Variants in ZMYM2 observed in about 807,000 individuals in gnomAD.
The protein encoded by ZMYM2 is zinc finger MYM-type protein 2.
Under a neutral mutation model 162.8 loss-of-function variants are expected in ZMYM2, and 56 were observed. That is an observed-to-expected ratio of 0.34 (90% CI 0.28 to 0.43). The LOEUF (loss-of-function observed/expected upper bound fraction) is 0.43. ZMYM2 is among the 20% of genes least tolerant of loss of function. The pLI, the probability that ZMYM2 is intolerant of heterozygous loss-of-function variation, is 1.00. For missense variants in ZMYM2, 1,275 were observed against 1,621.8 expected, an observed-to-expected ratio of 0.79 and a Z score of 3.67; for synonymous variants, 510 against 541.6, an observed-to-expected ratio of 0.94 and a Z score of 0.81.
intron 2 of ZMYM2, chr13:19,965,168 G>A (rs985120125): frequency 1.2e-5 from 13 of 1,075,790 alleles, no homozygotes; most frequent in Admixed American, 9.6e-5. Context: ...ACAGAATAAT[G>A]TTTGTAAAAT....
At chr13:19,900,508 T>TCGAAG in the ZMYM2 span, among the ~76,000 whole-genome samples, 1 of 152,152 alleles carries the variant, frequency 6.6e-6, no homozygotes, top group East Asian at 1.9e-4. Context: ...CCAAACATTA[T>TCGAAG]ATTTATCGAA....
At chr13:20,039,500 GTC>G (rs1186571409) in intron 12 of ZMYM2, among the ~76,000 whole-genome samples, 1 of 132,668 alleles carries the variant, frequency 7.5e-6, no homozygotes, top group Non-Finnish European at 1.6e-5. Flanking sequence ...TTGACATGGT[GTC>G]TCTCTCTGTT....
the ZMYM2 span, among the ~76,000 whole-genome samples, chr13:19,880,030 T>C: frequency 6.6e-6 from 1 of 152,172 alleles, no homozygotes; most frequent in African/African-American, 2.4e-5. Context: ...AAATTGGAGC[T>C]CTTGGTCTTG....
chr13:20,019,471 A>T, intron 6 of ZMYM2, 76 bp from the exon 7 acceptor site: 1 of 1,284,220 alleles, frequency 7.8e-7, no homozygotes, highest in South Asian at 1.6e-5. Context: ...CAACTTTTAC[A>T]TAATGCTTAT....
intron 2 of ZMYM2, among the ~76,000 whole-genome samples, chr13:19,976,390 C>CT (rs565939225): frequency 1.9e-4 from 29 of 150,414 alleles, no homozygotes; most frequent in Admixed American, 3.3e-4. Context: ...TGAAATGGTA[C>CT]TTTTTTTTTC....
intron 2 of ZMYM2, among the ~76,000 whole-genome samples, chr13:19,973,531 C>T (rs545108516): frequency 6.6e-6 from 1 of 151,802 alleles, no homozygotes; most frequent in East Asian, 2.0e-4. Context: ...ATTAGCAGGG[C>T]GTGGTGGTGT....
intron 3 of ZMYM2, among the ~76,000 whole-genome samples, chr13:19,996,185 A>G (rs920576636): frequency 6.6e-6 from 1 of 152,294 alleles, no homozygotes; most frequent in East Asian, 1.9e-4. Flanking sequence ...GAAGTAACTA[A>G]AATCTAGGCA....
chr13:20,018,618 G>A (rs986800869), intron 6 of ZMYM2, among the ~76,000 whole-genome samples: 1 of 152,190 alleles, frequency 6.6e-6, no homozygotes, highest in African/African-American at 2.4e-5. Context: ...TCCTGGCAGT[G>A]GAGACTGTAT....
intron 6 of ZMYM2, among the ~76,000 whole-genome samples, chr13:20,014,159 C>T (rs9509004): frequency 0.69 from 104,756 of 151,896 alleles, 41,208 homozygotes; most frequent in Non-Finnish European, 0.86. Context: ...CTGCAACCCC[C>T]GCCTCCCGGG....
intron 14 of ZMYM2, among the ~76,000 whole-genome samples, chr13:20,057,494 A>G (rs1955888291): frequency 6.6e-6 from 1 of 152,086 alleles, no homozygotes; most frequent in South Asian, 2.1e-4. Context: ...TTTTATATGC[A>G]TAAGGGTACA....
the ZMYM2 span, among the ~76,000 whole-genome samples, chr13:19,936,214 T>A: frequency 4.2e-4 from 64 of 152,298 alleles, no homozygotes; most frequent in Non-Finnish European, 6.0e-4. Context: ...CATTTCAGAC[T>A]TTTCCAGAAT....
intron 12 of ZMYM2, among the ~76,000 whole-genome samples, chr13:20,040,968 T>A (rs941308243): frequency 1.3e-5 from 2 of 152,174 alleles, no homozygotes; most frequent in Non-Finnish European, 2.9e-5. Flanking sequence ...TCCAAGAGAC[T>A]TTTGGTTATG....
chr13:20,006,770 C>T (rs542183340), intron 6 of ZMYM2, among the ~76,000 whole-genome samples, 184 bp downstream of exon 6: 30 of 152,226 alleles, frequency 2.0e-4, no homozygotes, highest in African/African-American at 7.0e-4. Flanking sequence ...GCTGAACCAT[C>T]GTAAGTCAGG....
the ZMYM2 span, among the ~76,000 whole-genome samples, chr13:19,951,110 G>C: frequency 1.4e-4 from 22 of 152,154 alleles, no homozygotes; most frequent in Non-Finnish European, 2.9e-4. Context: ...GTGTGGGCCA[G>C]GGAAGCCAAA....
intron 6 of ZMYM2, among the ~76,000 whole-genome samples, chr13:20,012,811 G>A (rs1805283520): frequency 6.6e-6 from 1 of 152,082 alleles, no homozygotes. Context: ...ATGTTCCACT[G>A]ATCTACATGT....
At chr13:20,036,609 T>A in intron 11 of ZMYM2, 128 bp from the exon 12 acceptor site, 4 of 625,170 alleles carry the variant, frequency 6.4e-6, no homozygotes, top group Non-Finnish European at 9.6e-6. Context: ...TAGGTTGATA[T>A]TGATTACAGT....
Position 20,086,129 on chromosome 13 carries a change from T to C in ZMYM2, c.*115T>C, listed in dbSNP as rs1958254274. On this transcript the variant is annotated 3_prime_UTR_variant, in exon 25 of 25. Transcript: ENST00000610343. Reference sequence around the variant, plus strand: ...CCTTCTGTTTTGAGTTTTGTAGCAGTGTACCCACGCTGGGTATTACCATGT... The same window carrying C: ...CCTTCTGTTTTGAGTTTTGTAGCAGCGTACCCACGCTGGGTATTACCATGT... 3 of 1,046,422 alleles carry C rather than the reference T, an allele frequency of 2.9e-6. No homozygotes were observed. Among genetic ancestry groups the C allele is most frequent in the African/African-American group, 3.2e-5 (2 of 62,638 alleles). The allele number at this position is 1,046,422 out of a possible 1,614,324, so 64.8% of individuals were successfully genotyped here. A position where few individuals can be genotyped will look rare whatever the true frequency, so the allele number is the denominator to read the frequency against.
chr13:19,897,797 A>C, the ZMYM2 span, among the ~76,000 whole-genome samples: 1 of 152,132 alleles, frequency 6.6e-6, no homozygotes, highest in Non-Finnish European at 1.5e-5. Context: ...CAACTTACCA[A>C]CAAAATTATA....
the ZMYM2 span, among the ~76,000 whole-genome samples, chr13:19,895,684 C>A: frequency 6.6e-6 from 1 of 151,760 alleles, no homozygotes; most frequent in Non-Finnish European, 1.5e-5. Context: ...GATGCAATTA[C>A]CCCTTAAAGG....
Sources: gnomAD v4.1 joint callset for allele counts (sites outside exome capture counted in the v4.1 genomes callset) on GRCh38, gnomAD v4.1.1 for gene constraint, MANE v1.5 for transcripts, NCBI Gene and HGNC (gene_info 2026-07-23, HGNC 2026-07-21) for gene names.